GOSR1: variants seen among roughly 807,000 people sequenced by gnomAD.
GOSR1 encodes 28 kDa Golgi SNARE protein.
Under a neutral mutation model 35.5 loss-of-function variants are expected in GOSR1, and 21 were observed. That is an observed-to-expected ratio of 0.59 (90% CI 0.42 to 0.85). GOSR1 has a LOEUF of 0.85. GOSR1 is among the 40% of genes least tolerant of loss of function. The pLI, the probability that GOSR1 is intolerant of heterozygous loss-of-function variation, is 0.00. For missense variants in GOSR1, 285 were observed against 309.6 expected (o/e 0.92, Z 0.60); for synonymous variants, 94 against 106.6 (o/e 0.88, Z 0.73).
rs557494386 is a variant in GOSR1, at chr17:30,487,665, T to G, written c.343-2461T>G. Reference sequence around the variant, plus strand: ...GGCAAGAGTAAAAATTTAAAAAGGGTACTCATATATTGCTGGTGGGAACAT... The same window carrying G: ...GGCAAGAGTAAAAATTTAAAAAGGGGACTCATATATTGCTGGTGGGAACAT... On this transcript the variant is annotated intron_variant, in intron 4 of 8. Coordinates refer to ENST00000451249, the MANE Select transcript of GOSR1 (RefSeq NM_001007025.2). Among the ~76,000 whole-genome samples, 377 of 152,318 alleles carry G rather than the reference T, an allele frequency of 2.5e-3. 1 individual carries two copies. Among genetic ancestry groups the G allele is most frequent in the African/African-American group, 8.7e-3 (363 of 41,576 alleles).
intron 2 of GOSR1, among the ~76,000 whole-genome samples, chr17:30,483,808 A>G (rs970141626): frequency 2.6e-5 from 4 of 152,362 alleles, no homozygotes; most frequent in Non-Finnish European, 4.4e-5. Flanking sequence ...GACTATTCAG[A>G]TTTGAAAAGG....
intron 6 of GOSR1, among the ~76,000 whole-genome samples, chr17:30,508,116 A>G (rs1332567435): frequency 6.6e-6 from 1 of 152,214 alleles, no homozygotes; most frequent in Non-Finnish European, 1.5e-5. Context: ...GGATGAAGTT[A>G]TGTTTTAACT....
intron 2 of GOSR1, 116 bp downstream of exon 2, chr17:30,481,373 T>G (rs1914338374): frequency 1.5e-6 from 1 of 645,298 alleles, no homozygotes; most frequent in African/African-American, 1.8e-5. Flanking sequence ...TTTTGGTGTT[T>G]TGTTTTGCCA....
At position 30,521,167 on chromosome 17, in the gene GOSR1, C is replaced by CTTTTT. The variant is rs71360748; in HGVS notation, c.623-1062_623-1058dup. ...CATCTCTCCCATAAGTTCTCTCTCT[C>CTTTTT]TTTTTTTTTTTTTTTTTTTTTTTTT... is the stretch of plus-strand genomic sequence containing the variant. On this transcript the variant is annotated intron_variant, in intron 8 of 8. Transcript: ENST00000451249. 6.2e-3 allele frequency among the ~76,000 whole-genome samples: 395 copies of CTTTTT among 64,224 alleles called. 70 individuals are homozygous for CTTTTT. Among genetic ancestry groups the CTTTTT allele is most frequent in the East Asian group, 0.012 (21 of 1,682 alleles). The allele number at this position is 64,224 out of a possible 152,430, so 42.1% of individuals were successfully genotyped here.
intron 6 of GOSR1, among the ~76,000 whole-genome samples, chr17:30,499,625 GC>G (rs1432413916): frequency 6.6e-6 from 1 of 152,234 alleles, no homozygotes; most frequent in Non-Finnish European, 1.5e-5. Flanking sequence ...ACAGGCGTGA[GC>G]CACTGTACCC....
chr17:30,492,593 T>C (rs1303269132), intron 5 of GOSR1, 86 bp from the exon 6 acceptor site: 2 of 750,150 alleles, frequency 2.7e-6, no homozygotes, highest in Non-Finnish European at 2.3e-6. Context: ...AGGCTCAATT[T>C]TTCTACTTTC....
rs149130300 is a variant in GOSR1, at chr17:30,502,423, C to T, written c.510-8457C>T. ...AGAGGTAATCACAGGTGGAGGAGAA[C>T]GGGTGTATAGTGTGTACTTTCTACT... On this transcript the variant is annotated intron_variant, in intron 6 of 8. Coordinates refer to ENST00000451249, the MANE Select transcript of GOSR1 (RefSeq NM_001007025.2). Among the ~76,000 whole-genome samples the T allele has an allele frequency of 3.3e-3, 495 of 152,244 alleles. 1 individual carries two copies. The highest frequency in any genetic ancestry group is 5.4e-3 in the Non-Finnish European group (365 of 68,016).
At chr17:30,488,871 CAACT>C (rs1450663721) in intron 4 of GOSR1, among the ~76,000 whole-genome samples, 1 of 152,054 alleles carries the variant, frequency 6.6e-6, no homozygotes, top group Admixed American at 6.6e-5. Context: ...AAAATGAAAA[CAACT>C]AATGTGTTTA....
chr17:30,484,978 C>G, intron 4 of GOSR1: 1 of 579,152 alleles, frequency 1.7e-6, no homozygotes, highest in South Asian at 1.7e-5. Context: ...CTTGCTATTT[C>G]TTGGCGAAGT....
intron 6 of GOSR1, among the ~76,000 whole-genome samples, chr17:30,504,947 A>C (rs1354020244): frequency 6.6e-6 from 1 of 152,232 alleles, no homozygotes; most frequent in Non-Finnish European, 1.5e-5. Flanking sequence ...GGAAATGATA[A>C]AGTGTACCTG....
chr17:30,515,015 T>C (rs1335731523), intron 7 of GOSR1, among the ~76,000 whole-genome samples: 1 of 152,252 alleles, frequency 6.6e-6, no homozygotes, highest in Admixed American at 6.5e-5. Context: ...ATTGCCCTGT[T>C]TGCTCAGCCT....
chr17:30,510,914 G>T lies in GOSR1; in HGVS notation c.539+5G>T. On this transcript the variant is annotated splice_donor_5th_base_variant and intron_variant, in intron 7 of 8. Transcript: ENST00000451249. Reference sequence around the variant, plus strand: ...TCTGATAGAAGAGACAATAAGGTAGGAATAAGTTTTTGTTTTGCTTTGTTG... The same window carrying T: ...TCTGATAGAAGAGACAATAAGGTAGTAATAAGTTTTTGTTTTGCTTTGTTG... 1.3e-6 allele frequency: 2 copies of T among 1,535,954 alleles called. No individual in the cohort carries two copies. The highest frequency in any genetic ancestry group is 1.8e-6 in the Non-Finnish European group (2 of 1,112,626).
chr17:30,480,352 G>A (rs1914254108), intron 1 of GOSR1, among the ~76,000 whole-genome samples: 1 of 151,798 alleles, frequency 6.6e-6, no homozygotes, highest in Non-Finnish European at 1.5e-5. Context: ...TTGCTATTAT[G>A]AAAAGAAGTT....
At chr17:30,509,643 G>T (rs191412896) in intron 6 of GOSR1, among the ~76,000 whole-genome samples, 263 of 152,250 alleles carry the variant, frequency 1.7e-3, no homozygotes, top group African/African-American at 6.2e-3. Flanking sequence ...CTGTAAAGAT[G>T]GCCCTTTTCC....
At chr17:30,503,532 A>C (rs1179792548) in intron 6 of GOSR1, among the ~76,000 whole-genome samples, 6 of 152,256 alleles carry the variant, frequency 3.9e-5, no homozygotes, top group African/African-American at 1.4e-4. Flanking sequence ...GTTTAAATTT[A>C]ATTTTAACCA....
chr17:30,493,336 G>A (rs1055704029), intron 6 of GOSR1, among the ~76,000 whole-genome samples: 2 of 152,170 alleles, frequency 1.3e-5, no homozygotes, highest in African/African-American at 4.8e-5. Flanking sequence ...GACTGAGACA[G>A]GATGAAACTG....
chr17:30,516,003 A>G (rs968317727), intron 7 of GOSR1, among the ~76,000 whole-genome samples: 1 of 152,172 alleles, frequency 6.6e-6, no homozygotes, highest in African/African-American at 2.4e-5. Context: ...AAGTGATCCA[A>G]ATCCTAGTGT....
Position 30,516,604 on chromosome 17 carries a change from A to G in GOSR1, c.540-3335A>G, listed in dbSNP as rs79566210. ...TTTCACTGTCATACAGACATCCCCA[A>G]AGATGTTTGTTTCTGTAATTATTAG... On this transcript the variant is annotated intron_variant, in intron 7 of 8. Coordinates refer to ENST00000451249, the MANE Select transcript of GOSR1 (RefSeq NM_001007025.2). 7.8e-3 allele frequency among the ~76,000 whole-genome samples: 1,194 copies of G among 152,300 alleles called. 15 individuals carry two copies. The highest frequency in any genetic ancestry group is 0.027 in the African/African-American group (1,104 of 41,580).
rs900724993 is a variant in GOSR1, at chr17:30,527,368, T to A, written c.*4990T>A. 1 of 152,188 alleles carries A rather than the reference T, an allele frequency of 6.6e-6. No homozygotes were observed. Among genetic ancestry groups the A allele is most frequent in the Non-Finnish European group, 1.5e-5 (1 of 68,032 alleles). The allele number at this position is 152,188 out of a possible 1,614,324, so 9.4% of individuals were successfully genotyped here. On this transcript the variant is annotated 3_prime_UTR_variant, in exon 9 of 9. Coordinates refer to ENST00000451249, the MANE Select transcript of GOSR1 (RefSeq NM_001007025.2). ...CTGTCTCAAAAATAAATTAATTTTT[T>A]AAAAATCGTGTACTGCTGGGCTTTA...
Sources: allele counts gnomAD v4.1 joint callset (sites outside exome capture counted in the v4.1 genomes callset), GRCh38; gene constraint gnomAD v4.1.1; transcripts MANE v1.5; gene names NCBI Gene and HGNC (gene_info 2026-07-23, HGNC 2026-07-21).